Variants in KLHDC8A observed in about 807,000 individuals in gnomAD.
KLHDC8A encodes the protein kelch domain-containing protein 8A.
Under a neutral mutation model 33.1 loss-of-function variants are expected in KLHDC8A, and 21 were observed. The ratio of observed to expected loss-of-function variants is 0.64; its 90% confidence interval spans 0.45 to 0.91. The LOEUF is 0.91. Among genes scored for constraint, KLHDC8A ranks in the 40% least tolerant of loss-of-function variants. The pLI is 0.00. For synonymous variants in KLHDC8A, 173 were observed against 193.5 expected, an observed-to-expected ratio of 0.89 and a Z score of 0.88; for missense variants, 435 against 483.3, an observed-to-expected ratio of 0.90 and a Z score of 0.94.
At position 205,336,206 on chromosome 1, in the gene KLHDC8A, T is replaced by C. The variant is rs926782812; in HGVS notation, c.*1193A>G. 3 of 152,168 alleles carry C rather than the reference T, an allele frequency of 2.0e-5. No homozygotes were observed. The highest frequency in any genetic ancestry group is 4.4e-5 in the Non-Finnish European group (3 of 68,038). 9.4% of individuals were successfully genotyped at this position (152,168 alleles called of 1,614,324 possible). ...CTAAAAGAACCCTTTCTACTTTGGA[T>C]AGGACAAAAATGAGCTTTGGCTGAA... On this transcript the variant is annotated 3_prime_UTR_variant, in exon 6 of 6. Coordinates refer to ENST00000367155, the MANE Select transcript of KLHDC8A (RefSeq NM_018203.3).
intron 1 of KLHDC8A, chr1:205,344,255 G>T (rs1366979445): frequency 6.6e-6 from 1 of 152,272 alleles, no homozygotes; most frequent in Non-Finnish European, 1.5e-5. Flanking sequence ...CAGTCCGCGC[G>T]CCGCTGTCAC....
chr1:205,337,067 C>G lies in KLHDC8A; in HGVS notation c.*332G>C, dbSNP rs1338345822. The G allele has an allele frequency of 1.5e-5, 5 of 338,660 alleles. No individual in the cohort carries two copies. The highest frequency in any genetic ancestry group is 1.1e-4 in the African/African-American group (5 of 45,976). 21.0% of individuals were successfully genotyped at this position (338,660 alleles called of 1,614,324 possible). A position where few individuals can be genotyped will look rare whatever the true frequency, so the allele number is the denominator to read the frequency against. On this transcript the variant is annotated 3_prime_UTR_variant, in exon 6 of 6. Transcript: ENST00000367155. The stretch of plus-strand genomic sequence containing the variant: ...CTCTCGGTCAGAACTGCTCTACCTG[C>G]CTCCTGGAGATGGGGGTGGGGGGAG...
chr1:205,355,597 G>A (rs2183230), intron 1 of KLHDC8A, among the ~76,000 whole-genome samples: 86,762 of 151,586 alleles, frequency 0.57, 25,445 homozygotes, highest in African/African-American at 0.65. Context: ...CTCAATATGC[G>A]TCATGAACTG....
chr1:205,353,602 C>T (rs566455782), intron 1 of KLHDC8A, among the ~76,000 whole-genome samples: 13 of 152,268 alleles, frequency 8.5e-5, no homozygotes, highest in African/African-American at 2.9e-4. Flanking sequence ...GTGGCACCAT[C>T]GTGGCTCACT....
In KLHDC8A at chr1:205,339,068, C is replaced by T; in HGVS notation, c.757+126G>A. 1 of 726,688 alleles carries T rather than the reference C, an allele frequency of 1.4e-6. No individual in the cohort carries two copies. The highest frequency in any genetic ancestry group is 3.8e-4 in the Middle Eastern group (1 of 2,600). The allele number at this position is 726,688 out of a possible 1,614,324, so 45.0% of individuals were successfully genotyped here. ...CCCTGAGTGGAGAGGGGTGCTGAGA[C>T]TTCTGAGAAGCTTGCCCAGCTGGGT... On this transcript the variant is annotated intron_variant, in intron 4 of 5. Coordinates refer to ENST00000367155, the MANE Select transcript of KLHDC8A (RefSeq NM_018203.3). This position sits in a 1 kb window ranked among gnomAD's most constrained non-coding sequence, Gnocchi z 5.1.
chr1:205,344,799 T>C (rs1240232866), intron 1 of KLHDC8A, among the ~76,000 whole-genome samples: 1 of 151,836 alleles, frequency 6.6e-6, no homozygotes, highest in Non-Finnish European at 1.5e-5. Flanking sequence ...GCCCTCGAAA[T>C]AGACACATCC....
In KLHDC8A at chr1:205,336,335, C is replaced by T. The variant is rs1662628814; in HGVS notation, c.*1064G>A. ...GAGAAGAAGAACATGTGCTGTTTTC[C>T]TGGGAGTGGGGCAACTGGTGGTGGC... On this transcript the variant is annotated 3_prime_UTR_variant, in exon 6 of 6. Coordinates refer to ENST00000367155, the MANE Select transcript of KLHDC8A (RefSeq NM_018203.3). 1.3e-5 allele frequency: 2 copies of T among 152,448 alleles called. No homozygotes were observed. Among genetic ancestry groups the T allele is most frequent in the African/African-American group, 4.8e-5 (2 of 41,442 alleles). The allele number at this position is 152,448 out of a possible 1,614,324, so 9.4% of individuals were successfully genotyped here. A position where few individuals can be genotyped will look rare whatever the true frequency, so the allele number is the denominator to read the frequency against.
At chr1:205,343,112 C>A in intron 2 of KLHDC8A, 117 bp downstream of exon 2, 6 of 1,411,030 alleles carry the variant, frequency 4.3e-6, no homozygotes, top group Non-Finnish European at 4.8e-6. Context: ...ATGGGGTCTG[C>A]AGAAATATGG....
rs1662861776 is a variant in KLHDC8A, at chr1:205,343,653, G to T, written c.-49C>A. On this transcript the variant is annotated 5_prime_UTR_variant, in exon 2 of 6. Coordinates refer to ENST00000367155, the MANE Select transcript of KLHDC8A (RefSeq NM_018203.3). ...CGCCGGGAGAGGTGCGAGCGCGGGG[G>T]TCCACCGGCTACTTGGCGCCGGCTC... The T allele has an allele frequency of 5.3e-6, 8 of 1,511,732 alleles. No homozygotes were observed. The highest frequency in any genetic ancestry group is 7.1e-6 in the Non-Finnish European group (8 of 1,132,220). 93.6% of individuals were successfully genotyped at this position (1,511,732 alleles called of 1,614,324 possible).
At chr1:205,343,113 A>C in intron 2 of KLHDC8A, 116 bp downstream of exon 2, 2 of 1,414,458 alleles carry the variant, frequency 1.4e-6, no homozygotes, top group South Asian at 1.4e-5. Flanking sequence ...TGGGGTCTGC[A>C]GAAATATGGC....
chr1:205,355,900 A>G (rs1663254020), intron 1 of KLHDC8A, among the ~76,000 whole-genome samples: 1 of 152,240 alleles, frequency 6.6e-6, no homozygotes, highest in Non-Finnish European at 1.5e-5. Flanking sequence ...CAAGCACAGC[A>G]ATGTGTATGT....
intron 5 of KLHDC8A, among the ~76,000 whole-genome samples, chr1:205,338,141 G>A (rs996307813): frequency 6.6e-6 from 1 of 152,210 alleles, no homozygotes; most frequent in African/African-American, 2.4e-5. Context: ...GGCTGGAACA[G>A]GATAAGAGAC....
At chr1:205,356,353 G>A (rs1194189024) in intron 1 of KLHDC8A, among the ~76,000 whole-genome samples, 180 bp downstream of exon 1, 1 of 152,060 alleles carries the variant, frequency 6.6e-6, no homozygotes, top group East Asian at 1.9e-4. Flanking sequence ...TAACTTCAAA[G>A]CTAGAGAGGC....
chr1:205,352,565 C>T (rs1663144288), intron 1 of KLHDC8A, among the ~76,000 whole-genome samples: 1 of 152,152 alleles, frequency 6.6e-6, no homozygotes, highest in Admixed American at 6.5e-5. Flanking sequence ...GACCTGTGCT[C>T]TCTGTGCTGG....
intron 1 of KLHDC8A, among the ~76,000 whole-genome samples, chr1:205,345,877 C>A (rs939133720): frequency 1.3e-5 from 2 of 152,164 alleles, no homozygotes; most frequent in African/African-American, 4.8e-5. Flanking sequence ...GAATTCGAGA[C>A]CAGCCTGGCC....
Position 205,339,597 on chromosome 1 carries a change from C to A in KLHDC8A, c.541+47G>T. 6.3e-7 allele frequency: 1 copy of A among 1,597,194 alleles called. No individual in the cohort carries two copies. Among genetic ancestry groups the A allele is most frequent in the Non-Finnish European group, 8.6e-7 (1 of 1,167,872 alleles). ...GGCACTGCTTCCTATGGGAACTGAG[C>A]CAAGGGAAGGAAGGAGGGTAGGTAT... is the stretch of plus-strand genomic sequence containing the variant. On this transcript the variant is annotated intron_variant, in intron 3 of 5. Transcript: ENST00000367155. This position sits in a 1 kb window ranked among gnomAD's most constrained non-coding sequence, Gnocchi z 5.1.
chr1:205,348,222 T>G (rs1558688681), intron 1 of KLHDC8A, among the ~76,000 whole-genome samples: 1 of 152,124 alleles, frequency 6.6e-6, no homozygotes, highest in Non-Finnish European at 1.5e-5. Flanking sequence ...CCAAGCAGAT[T>G]CTCAGTGTGG....
chr1:205,337,669 TC>T lies in KLHDC8A; in HGVS notation c.860-78del, dbSNP rs1662673992. 2.9e-6 allele frequency: 3 copies of T among 1,047,926 alleles called. No homozygotes were observed. In the Admixed American group the frequency reaches 6.4e-5, roughly 22 times the overall value. 64.9% of individuals were successfully genotyped at this position (1,047,926 alleles called of 1,614,324 possible). On this transcript the variant is annotated intron_variant, in intron 5 of 5. Coordinates refer to ENST00000367155, the MANE Select transcript of KLHDC8A (RefSeq NM_018203.3). ...ATGCCCCACGGTCACCCCACCTCCC[TC>T]CCTTCGGCACCCACAAGCAGAAGCC...
intron 5 of KLHDC8A, among the ~76,000 whole-genome samples, chr1:205,337,998 T>C (rs554072621): frequency 2.5e-4 from 38 of 152,344 alleles, no homozygotes; most frequent in Admixed American, 1.2e-3. Context: ...TCTCTCTTCC[T>C]TGATGATGGG....
Sources: gnomAD v4.1 joint callset for allele counts (sites outside exome capture counted in the v4.1 genomes callset) on GRCh38, gnomAD v4.1.1 for gene constraint, Gnocchi (gnomAD v3.1) non-coding constraint, MANE v1.5 for transcripts, NCBI Gene and HGNC (gene_info 2026-07-23, HGNC 2026-07-21) for gene names.